Variants in SOX6 observed in about 807,000 individuals in gnomAD.
SOX6 encodes transcription factor SOX-6.
A neutral mutation model predicts 97.8 loss-of-function variants in SOX6; 11 were observed. The observed-to-expected ratio is 0.11, with a 90% confidence interval of 0.07 to 0.19. The LOEUF (loss-of-function observed/expected upper bound fraction) is 0.19, where lower values mean the gene tolerates loss of function less well. Ranked by LOEUF, SOX6 falls within the 10% of genes least tolerant of loss-of-function variation. The probability of loss-of-function intolerance (pLI) is 1.00; values close to 1 mark genes in which losing one functional copy is unlikely to be tolerated. For missense variants in SOX6, 810 were observed against 1,039.5 expected, an observed-to-expected ratio of 0.78 and a Z score of 3.04; for synonymous variants, 360 against 371.4, an observed-to-expected ratio of 0.97 and a Z score of 0.35.
intron 2 of SOX6, among the ~76,000 whole-genome samples, chr11:16,321,358 T>C (rs956152986): frequency 6.6e-6 from 1 of 151,340 alleles, no homozygotes; most frequent in South Asian, 2.1e-4. Context: ...TGACTCACAA[T>C]TGACTATAAT....
intron 13 of SOX6, among the ~76,000 whole-genome samples, chr11:16,009,216 T>C (rs1302039618): frequency 6.6e-6 from 1 of 152,102 alleles, no homozygotes; most frequent in Non-Finnish European, 1.5e-5. Context: ...GTATTTATTT[T>C]GATTATTGCA....
chr11:16,032,379 A>C (rs1334959748), intron 12 of SOX6, among the ~76,000 whole-genome samples: 1 of 152,184 alleles, frequency 6.6e-6, no homozygotes, highest in Non-Finnish European at 1.5e-5. Flanking sequence ...TGAACATCAA[A>C]TGTGATTTTT....
At position 16,605,560 on chromosome 11, in the gene SOX6, G is replaced by A. The variant is rs1848324888; in HGVS notation, n.609+6521C>T. ...AAAAGTTGCGGCGGAGCGGCGGTGG[G>A]GTGAGGGTGGGAGGAGGGAGCGCAA... On this transcript the variant is annotated intron_variant and non_coding_transcript_variant, in intron 4 of 5. Coordinates refer to the SOX6 transcript ENST00000524520. The surrounding 1 kb of genome is among the most constrained non-coding windows in gnomAD (Gnocchi z 5.3). Among the ~76,000 whole-genome samples the A allele has an allele frequency of 6.6e-6, 1 of 152,148 alleles. No individual in the cohort carries two copies. The highest frequency in any genetic ancestry group is 6.5e-5 in the Admixed American group (1 of 15,282).
intron 12 of SOX6, among the ~76,000 whole-genome samples, chr11:16,015,932 C>A (rs1186180730): frequency 6.6e-6 from 1 of 152,050 alleles, no homozygotes; most frequent in Non-Finnish European, 1.5e-5. Flanking sequence ...TATTAAATGT[C>A]ATGTCAGCTT....
intron 1 of SOX6, among the ~76,000 whole-genome samples, chr11:16,436,214 A>T (rs191254909): frequency 1.9e-4 from 29 of 152,226 alleles, no homozygotes; most frequent in African/African-American, 6.5e-4. Context: ...AATAAAAATT[A>T]AAAAAATAGT....
chr11:16,318,596 G>C lies in SOX6; in HGVS notation c.295C>G (p.Pro99Ala), dbSNP rs1195061651. ...CGACTCCCTTCGTCAGGCTTATGTG[G>C]TGAGGTAGAGGTATTTCGGAAGGAA... ...LYSFRNTSTS[P>A]HKPDEGSRDR... The change falls in exon 3 of 16, where the codon CCA (proline) becomes GCA (alanine). Residue 99 changes from proline (P) to alanine (A), a missense_variant. Physicochemically the swap from Pro to Ala is conservative, Grantham distance 27. Coordinates refer to ENST00000683767, the MANE Select transcript of SOX6 (RefSeq NM_001367873.1). 2 of 1,613,530 alleles carry C rather than the reference G, an allele frequency of 1.2e-6. No individual in the cohort carries two copies. Among genetic ancestry groups the C allele is most frequent in the Admixed American group, 1.7e-5 (1 of 59,928 alleles).
intron 6 of SOX6, among the ~76,000 whole-genome samples, chr11:16,132,392 A>AAAAAG (rs1325477321): frequency 1.0e-5 from 1 of 95,846 alleles, no homozygotes; most frequent in African/African-American, 4.6e-5. Flanking sequence ...GAAAGAAAGA[A>AAAAAG]AGAAAGAAAA....
intron 1 of SOX6, among the ~76,000 whole-genome samples, chr11:16,361,631 A>G (rs1241907852): frequency 3.3e-5 from 5 of 152,152 alleles, no homozygotes; most frequent in Non-Finnish European, 5.9e-5. Flanking sequence ...TTAAGCAAAG[A>G]CCCTGAAACT....
intron 7 of SOX6, among the ~76,000 whole-genome samples, chr11:16,109,143 A>T (rs938563618): frequency 6.6e-6 from 1 of 152,128 alleles, no homozygotes; most frequent in Non-Finnish European, 1.5e-5. Context: ...GTTTTCTTTC[A>T]AAAATTTAGT....
At chr11:16,125,383 C>G (rs1297557628) in intron 6 of SOX6, among the ~76,000 whole-genome samples, 1 of 151,926 alleles carries the variant, frequency 6.6e-6, no homozygotes, top group Non-Finnish European at 1.5e-5. Flanking sequence ...TTCAAGTTAC[C>G]TAACAAATTT....
At chr11:16,349,680 G>A (rs943797911) in intron 1 of SOX6, among the ~76,000 whole-genome samples, 49 of 61,292 alleles carry the variant, frequency 8.0e-4, no homozygotes, top group Admixed American at 6.1e-3. Context: ...GAGGGAGGAA[G>A]GAAGGAAGGA....
Position 16,605,739 on chromosome 11 carries a change from G to T in SOX6, n.609+6342C>A, listed in dbSNP as rs1199015697. On this transcript the variant is annotated intron_variant and non_coding_transcript_variant, in intron 4 of 5. Coordinates refer to the SOX6 transcript ENST00000524520. This position sits in a 1 kb window ranked among gnomAD's most constrained non-coding sequence, Gnocchi z 5.3. Reference sequence around the variant, plus strand: ...TTCCAAACCGAAATGGGGGTGGGGTGGGGGTAGCATTAAGAAGCCCAGAAG... The same window carrying T: ...TTCCAAACCGAAATGGGGGTGGGGTTGGGGTAGCATTAAGAAGCCCAGAAG... Among the ~76,000 whole-genome samples the T allele has an allele frequency of 6.6e-6, 1 of 152,082 alleles. No individual in the cohort carries two copies. Among genetic ancestry groups the T allele is most frequent in the Non-Finnish European group, 1.5e-5 (1 of 68,024 alleles).
chr11:16,499,635 C>A lies in SOX6; in HGVS notation n.610-23247G>T, dbSNP rs186454224. ...AAAAACGATAAAAGGAATATCACCA[C>A]CGATCCCACAGAAATACAAACTACC... On this transcript the variant is annotated intron_variant and non_coding_transcript_variant, in intron 4 of 5. Transcript: ENST00000524520. Among the ~76,000 whole-genome samples the A allele has an allele frequency of 2.4e-4, 36 of 152,272 alleles. No homozygotes were observed. In the South Asian group the frequency reaches 4.6e-3, roughly 19 times the overall value.
intron 3 of SOX6, among the ~76,000 whole-genome samples, chr11:16,306,627 C>CT (rs529819628): frequency 0.32 from 33,943 of 106,112 alleles, 5,416 homozygotes; most frequent in South Asian, 0.4. Flanking sequence ...TTTTTTTTTT[C>CT]TTTTTTTTTT....
At chr11:16,198,398 T>C (rs1429223464) in intron 4 of SOX6, among the ~76,000 whole-genome samples, 1 of 152,058 alleles carries the variant, frequency 6.6e-6, no homozygotes. Flanking sequence ...AATTGTAGAT[T>C]ATAAATTGAG....
intron 3 of SOX6, among the ~76,000 whole-genome samples, chr11:16,686,570 C>A (rs1394767913): frequency 6.6e-6 from 1 of 152,172 alleles, no homozygotes; most frequent in Admixed American, 6.5e-5. Context: ...AATCTGAGAC[C>A]TCAGCAGCCT....
At chr11:16,624,690 C>A (rs74450456) in intron 3 of SOX6, among the ~76,000 whole-genome samples, 1 of 152,154 alleles carries the variant, frequency 6.6e-6, no homozygotes, top group African/African-American at 2.4e-5. Flanking sequence ...TTTAACTTTA[C>A]AAGTTGCCAA....
chr11:16,385,309 C>T (rs1229586643), intron 1 of SOX6, among the ~76,000 whole-genome samples: 2 of 152,004 alleles, frequency 1.3e-5, no homozygotes, highest in Admixed American at 1.3e-4. Flanking sequence ...TCAGCTGTGA[C>T]TATTTCATTT....
At chr11:16,733,193 G>GC (rs1198016048) in intron 2 of SOX6, among the ~76,000 whole-genome samples, 1 of 152,236 alleles carries the variant, frequency 6.6e-6, no homozygotes, top group Non-Finnish European at 1.5e-5. Context: ...TCTAGAACAA[G>GC]AAATGCCATT....
Sources: gnomAD v4.1 joint callset for allele counts (sites outside exome capture counted in the v4.1 genomes callset) on GRCh38, gnomAD v4.1.1 for gene constraint, Gnocchi (gnomAD v3.1) non-coding constraint, MANE v1.5 for transcripts, NCBI Gene and HGNC (gene_info 2026-07-23, HGNC 2026-07-21) for gene names.